CSMD1: variants seen among roughly 807,000 people sequenced by gnomAD.
The protein encoded by CSMD1 is CUB and Sushi multiple domains 1, also known as CUB and sushi domain-containing protein 1.
Under a neutral mutation model 417.5 loss-of-function variants are expected in CSMD1, and 213 were observed. The ratio of observed to expected loss-of-function variants is 0.51; its 90% confidence interval spans 0.46 to 0.57. The LOEUF (loss-of-function observed/expected upper bound fraction) is 0.57, where lower values mean the gene tolerates loss of function less well. CSMD1 is among the 20% of genes least tolerant of loss of function. The probability of loss-of-function intolerance (pLI) is 0.00; values close to 1 mark genes in which losing one functional copy is unlikely to be tolerated. For missense variants in CSMD1, 6,923 were observed against 4,529.7 expected, an observed-to-expected ratio of 1.53 and a Z score of -15.17; for synonymous variants, 2,862 against 1,736.8, an observed-to-expected ratio of 1.65 and a Z score of -16.11.
At chr8:4,676,977 T>C (rs924362530) in intron 1 of CSMD1, among the ~76,000 whole-genome samples, 1 of 146,238 alleles carries the variant, frequency 6.8e-6, no homozygotes, top group African/African-American at 2.5e-5. Context: ...ATAATATATA[T>C]TATATATTTT....
intron 10 of CSMD1, among the ~76,000 whole-genome samples, chr8:3,557,143 T>C (rs1197012749): frequency 6.6e-6 from 1 of 152,176 alleles, no homozygotes; most frequent in African/African-American, 2.4e-5. Context: ...CTGCCACAAA[T>C]ATATTTTGTG....
chr8:3,282,619 C>G (rs540662620), intron 26 of CSMD1, among the ~76,000 whole-genome samples: 2 of 152,104 alleles, frequency 1.3e-5, no homozygotes, highest in African/African-American at 4.8e-5. Context: ...TTGGAACACT[C>G]TTACTTTCAT....
chr8:3,998,702 G>A (rs556400973), intron 4 of CSMD1, among the ~76,000 whole-genome samples: 14 of 152,060 alleles, frequency 9.2e-5, no homozygotes, highest in Admixed American at 3.3e-4. Flanking sequence ...AGTGATAAGT[G>A]AAAGGCCAGT....
At chr8:4,842,029 G>C (rs568678622) in intron 1 of CSMD1, among the ~76,000 whole-genome samples, 203 of 151,706 alleles carry the variant, frequency 1.3e-3, no homozygotes, top group African/African-American at 4.7e-3. Context: ...TTTTTCAAGG[G>C]AGCTGAGAGA....
intron 5 of CSMD1, among the ~76,000 whole-genome samples, chr8:3,969,950 C>G (rs1038151604): frequency 1.3e-5 from 2 of 152,152 alleles, no homozygotes; most frequent in Non-Finnish European, 2.9e-5. Flanking sequence ...CAACCTCTCC[C>G]AGCATTTTCT....
intron 1 of CSMD1, among the ~76,000 whole-genome samples, chr8:4,710,614 GATGGGT>G (rs1584979749): frequency 6.6e-6 from 1 of 151,158 alleles, no homozygotes; most frequent in Admixed American, 6.6e-5. Flanking sequence ...GGGAGACTCA[GATGGGT>G]GGATCACAAG....
intron 1 of CSMD1, among the ~76,000 whole-genome samples, chr8:4,830,740 G>A (rs948938598): frequency 5.9e-5 from 9 of 152,280 alleles, no homozygotes; most frequent in Non-Finnish European, 1.2e-4. Flanking sequence ...CGCTTAATTG[G>A]AACCATTGGA....
intron 17 of CSMD1, among the ~76,000 whole-genome samples, chr8:3,394,449 AG>A (rs2116846327): frequency 6.6e-6 from 1 of 152,222 alleles, no homozygotes; most frequent in South Asian, 2.1e-4. Flanking sequence ...GCCTTCACTT[AG>A]CCTTTGGAAC....
At chr8:4,820,136 G>T (rs538332411) in intron 1 of CSMD1, among the ~76,000 whole-genome samples, 4 of 152,160 alleles carry the variant, frequency 2.6e-5, no homozygotes, top group Non-Finnish European at 4.4e-5. Context: ...TAGAATTCTT[G>T]CACCACCTCT....
chr8:2,975,006 C>A (rs144668267), intron 55 of CSMD1, among the ~76,000 whole-genome samples: 1 of 152,158 alleles, frequency 6.6e-6, no homozygotes, highest in South Asian at 2.1e-4. Flanking sequence ...ACTATTTCCA[C>A]GATGTTTTCA....
At chr8:4,243,445 C>A (rs996376936) in intron 3 of CSMD1, among the ~76,000 whole-genome samples, 1 of 152,154 alleles carries the variant, frequency 6.6e-6, no homozygotes, top group South Asian at 2.1e-4. Flanking sequence ...GTAACTGACA[C>A]TCTTCCCAGA....
At chr8:3,730,308 C>A (rs563297030) in intron 6 of CSMD1, among the ~76,000 whole-genome samples, 7 of 151,678 alleles carry the variant, frequency 4.6e-5, no homozygotes, top group African/African-American at 1.7e-4. Flanking sequence ...GCCATTCCTT[C>A]ATGTAGATAA....
intron 3 of CSMD1, among the ~76,000 whole-genome samples, chr8:4,113,159 C>A (rs1209057700): frequency 6.6e-6 from 1 of 152,098 alleles, no homozygotes; most frequent in African/African-American, 2.4e-5. Context: ...TCTCCCTCCT[C>A]GGGCCTTCCT....
At chr8:4,751,288 G>A (rs538119988) in intron 1 of CSMD1, among the ~76,000 whole-genome samples, 8 of 152,186 alleles carry the variant, frequency 5.3e-5, no homozygotes, top group Admixed American at 2.0e-4. Flanking sequence ...GGGAGGCTGA[G>A]GCAGGAGAAT....
intron 7 of CSMD1, among the ~76,000 whole-genome samples, chr8:3,645,586 G>A (rs2117345502): frequency 6.6e-6 from 1 of 152,246 alleles, no homozygotes; most frequent in South Asian, 2.1e-4. Flanking sequence ...AGGGATCATG[G>A]GAAGAGTCAG....
chr8:3,393,406 A>T (rs1054646537), intron 17 of CSMD1, among the ~76,000 whole-genome samples: 2 of 152,204 alleles, frequency 1.3e-5, no homozygotes, highest in African/African-American at 4.8e-5. Flanking sequence ...TGACTCTCAC[A>T]CAATTATCAC....
intron 7 of CSMD1, among the ~76,000 whole-genome samples, chr8:3,648,600 T>G (rs902945663): frequency 6.6e-6 from 1 of 152,168 alleles, no homozygotes; most frequent in Admixed American, 6.5e-5. Context: ...TAGAACAGAT[T>G]TAATGACTTT....
chr8:4,473,812 A>G (rs1800659274), intron 2 of CSMD1, among the ~76,000 whole-genome samples: 1 of 152,212 alleles, frequency 6.6e-6, no homozygotes, highest in Admixed American at 6.5e-5. Context: ...ACAGAAAAAT[A>G]GAGATAGAAT....
intron 1 of CSMD1, among the ~76,000 whole-genome samples, chr8:4,839,066 T>G (rs1259789679): frequency 1.3e-5 from 2 of 152,212 alleles, no homozygotes; most frequent in Non-Finnish European, 2.9e-5. Context: ...GTCTGCTTTG[T>G]ATTTCTGACC....
Sources: allele counts gnomAD v4.1 joint callset (sites outside exome capture counted in the v4.1 genomes callset), GRCh38; gene constraint gnomAD v4.1.1; transcripts MANE v1.5; gene names NCBI Gene and HGNC (gene_info 2026-07-23, HGNC 2026-07-21).